The following MAP3K5 variants were observed in gnomAD, a reference collection of about 807,000 sequenced individuals.
The protein encoded by MAP3K5 is ASK-1.
MAP3K5 carries 56 observed loss-of-function variants against 158.7 expected under a neutral mutation model. The ratio of observed to expected loss-of-function variants is 0.35; its 90% CI spans 0.28 to 0.44. The LOEUF (loss-of-function observed/expected upper bound fraction) is 0.44. Ranked by LOEUF, MAP3K5 falls within the 20% of genes least tolerant of loss-of-function variation. The pLI is 1.00. For missense variants in MAP3K5, 1,294 were observed against 1,674.8 expected (o/e 0.77, Z 3.97); for synonymous variants, 579 against 601.7 (o/e 0.96, Z 0.55).
chr6:136,578,982 G>A (rs192012812), intron 25 of MAP3K5, among the ~76,000 whole-genome samples: 214 of 151,406 alleles, frequency 1.4e-3, no homozygotes, highest in African/African-American at 4.8e-3. Flanking sequence ...ACTAGCCTGG[G>A]CAACAGAGTG....
At chr6:136,638,784 A>G (rs1749850438) in intron 13 of MAP3K5, among the ~76,000 whole-genome samples, 1 of 152,200 alleles carries the variant, frequency 6.6e-6, no homozygotes, top group South Asian at 2.1e-4. Flanking sequence ...TGTAGCTAGC[A>G]TATCAGTCAT....
At chr6:136,686,302 C>A (rs1780143601) in intron 7 of MAP3K5, among the ~76,000 whole-genome samples, 1 of 152,074 alleles carries the variant, frequency 6.6e-6, no homozygotes, top group Admixed American at 6.5e-5. Flanking sequence ...TATGACAAAC[C>A]TACAAGCAAT....
chr6:136,585,240 G>A (rs1025944017), intron 23 of MAP3K5, among the ~76,000 whole-genome samples: 39 of 150,648 alleles, frequency 2.6e-4, no homozygotes, highest in African/African-American at 9.3e-4. Flanking sequence ...AGCCTCCTGA[G>A]TAGCTAGGGA....
At chr6:136,617,576 A>G (rs1458176013) in intron 15 of MAP3K5, among the ~76,000 whole-genome samples, 2 of 152,150 alleles carry the variant, frequency 1.3e-5, no homozygotes, top group Non-Finnish European at 2.9e-5. Context: ...GAGCTTGAGC[A>G]TCAGTATTTT....
intron 1 of MAP3K5, among the ~76,000 whole-genome samples, chr6:136,734,786 T>G (rs1199886792): frequency 2.6e-5 from 4 of 152,222 alleles, no homozygotes; most frequent in Admixed American, 2.6e-4. Context: ...TATGCTTCAG[T>G]GAAGTTCCTC....
At chr6:136,681,192 C>T (rs1779917487) in intron 7 of MAP3K5, among the ~76,000 whole-genome samples, 1 of 152,214 alleles carries the variant, frequency 6.6e-6, no homozygotes, top group Admixed American at 6.5e-5. Context: ...CCATATTCTC[C>T]TTCCTTTTCA....
chr6:136,607,183 C>A lies in MAP3K5; in HGVS notation c.2522-1817G>T, dbSNP rs1583263399. On this transcript the variant is annotated intron_variant, in intron 18 of 29. Transcript: ENST00000359015. ...TCAAATGGTCTTTTCGAAAATGCATCGAAGCCTACCACCCCCTTTTGTTGT... is the reference window on the plus strand; with the variant it reads ...TCAAATGGTCTTTTCGAAAATGCATAGAAGCCTACCACCCCCTTTTGTTGT... 2.0e-5 allele frequency among the ~76,000 whole-genome samples: 3 copies of A among 152,140 alleles called. 1 individual carries two copies. Among genetic ancestry groups the A allele is most frequent in the Middle Eastern group, 3.4e-3 (1 of 294 alleles).
At chr6:136,697,794 G>T (rs955762583) in intron 4 of MAP3K5, among the ~76,000 whole-genome samples, 2 of 152,104 alleles carry the variant, frequency 1.3e-5, no homozygotes, top group South Asian at 2.1e-4. Flanking sequence ...GCCCAGACTA[G>T]AGTATACTGG....
chr6:136,641,077 T>G (rs1364388198), intron 12 of MAP3K5, among the ~76,000 whole-genome samples: 1 of 152,206 alleles, frequency 6.6e-6, no homozygotes, highest in Non-Finnish European at 1.5e-5. Flanking sequence ...TTAAGTGGAT[T>G]GCTTAAAAAT....
chr6:136,792,110 G>C lies in MAP3K5; in HGVS notation c.48C>G (p.Phe16Leu), dbSNP rs114489274. The C allele has an allele frequency of 0.031, 48,667 of 1,586,702 alleles. 870 individuals carry two copies. The highest frequency in any genetic ancestry group is 0.051 in the African/African-American group (3,812 of 74,462). The change falls in exon 1 of 30, where the codon TTC becomes TTG. Residue 16 changes from phenylalanine (F) to leucine (L), a missense_variant. By Grantham distance (22) the Phe-to-Leu change is conservative (BLOSUM62 0). Transcript: ENST00000359015. This position sits in a 1 kb window ranked among gnomAD's most constrained non-coding sequence, Gnocchi z 5.7. ...GGATGGTGCAGAAGCCCGAGGGGGC[G>C]AAGGGTGGCACAGAGAAAGTGATGC... ...DEGITFSVPP[F>L]APSGFCTIPE... is the part of the protein sequence containing the mutation.
chr6:136,656,677 T>C (rs984448504), intron 9 of MAP3K5, among the ~76,000 whole-genome samples: 5 of 151,622 alleles, frequency 3.3e-5, no homozygotes, highest in Admixed American at 6.6e-5. Context: ...CAGGCTGGAG[T>C]GCAGTGGTGT....
At chr6:136,619,265 TAGAG>T (rs759390275) in intron 15 of MAP3K5, among the ~76,000 whole-genome samples, 16 of 152,042 alleles carry the variant, frequency 1.1e-4, no homozygotes, top group Non-Finnish European at 2.2e-4. Context: ...GTATGCCCGA[TAGAG>T]AGACACCAGT....
At chr6:136,575,359 TTGCCACAC>T (rs1774569865) in intron 25 of MAP3K5, among the ~76,000 whole-genome samples, 1 of 151,806 alleles carries the variant, frequency 6.6e-6, no homozygotes, top group Non-Finnish European at 1.5e-5. Context: ...AGATGCGGTT[TTGCCACAC>T]TGCCTGGGGT....
At chr6:136,698,353 G>C (rs1467441329) in intron 4 of MAP3K5, 136 bp downstream of exon 4, 7 of 680,406 alleles carry the variant, frequency 1.0e-5, no homozygotes, top group Non-Finnish European at 1.7e-5. Context: ...TTATCTACTT[G>C]GAGGATAATA....
chr6:136,712,920 C>T (rs921273291), intron 2 of MAP3K5, among the ~76,000 whole-genome samples: 1 of 152,146 alleles, frequency 6.6e-6, no homozygotes, highest in African/African-American at 2.4e-5. Flanking sequence ...ATTGTGAGGC[C>T]TCCCCAGCCA....
At chr6:136,566,293 T>C (rs1465065958) in intron 26 of MAP3K5, among the ~76,000 whole-genome samples, 1 of 152,232 alleles carries the variant, frequency 6.6e-6, no homozygotes, top group Non-Finnish European at 1.5e-5. Context: ...ATACCAGCTC[T>C]TTGGTAAACA....
intron 15 of MAP3K5, among the ~76,000 whole-genome samples, chr6:136,614,526 G>A (rs1408427128): frequency 6.6e-6 from 1 of 152,192 alleles, no homozygotes; most frequent in South Asian, 2.1e-4. Flanking sequence ...CCATGAGAAG[G>A]TAGTATTGGT....
intron 11 of MAP3K5, among the ~76,000 whole-genome samples, chr6:136,648,462 G>A (rs192436633): frequency 2.0e-5 from 3 of 152,146 alleles, no homozygotes; most frequent in Non-Finnish European, 4.4e-5. Context: ...GATGCTGCTC[G>A]GTATTGCTCA....
intron 8 of MAP3K5, among the ~76,000 whole-genome samples, chr6:136,661,489 G>A (rs918616172): frequency 1.3e-5 from 2 of 152,138 alleles, no homozygotes; most frequent in Non-Finnish European, 2.9e-5. Context: ...TTGAATTTCT[G>A]GGCTCAAGTG....
Sources: gnomAD v4.1 joint callset for allele counts (sites outside exome capture counted in the v4.1 genomes callset) on GRCh38, gnomAD v4.1.1 for gene constraint, Gnocchi (gnomAD v3.1) non-coding constraint, MANE v1.5 for transcripts, NCBI Gene and HGNC (gene_info 2026-07-23, HGNC 2026-07-21) for gene names.